Variants in XPR1 observed in about 807,000 individuals in gnomAD.
The protein encoded by XPR1 is solute carrier family 53 member 1.
XPR1 carries 28 observed loss-of-function variants against 87.5 expected under a neutral mutation model. The ratio of observed to expected loss-of-function variants is 0.32; its 90% CI spans 0.24 to 0.44. The LOEUF is 0.44. Ranked by LOEUF, XPR1 falls within the 20% of genes least tolerant of loss-of-function variation. The pLI is 1.00. For synonymous variants in XPR1, 300 were observed against 306.1 expected, an observed-to-expected ratio of 0.98 and a Z score of 0.21; for missense variants, 559 against 862.3, an observed-to-expected ratio of 0.65 and a Z score of 4.41.
chr1:180,826,032 A>C (rs1177100510), intron 9 of XPR1, among the ~76,000 whole-genome samples: 2 of 152,128 alleles, frequency 1.3e-5, no homozygotes, highest in East Asian at 3.9e-4. Flanking sequence ...CCTGGGCAAC[A>C]AGAGCAAAAC....
chr1:180,838,209 TAAG>T (rs932434838), intron 11 of XPR1, among the ~76,000 whole-genome samples: 1 of 152,202 alleles, frequency 6.6e-6, no homozygotes, highest in Non-Finnish European at 1.5e-5. Flanking sequence ...AAAATCTTAT[TAAG>T]AACATCATAA....
rs147403060 is a variant in XPR1, at chr1:180,798,920, A to G, written c.224-4468A>G. Among the ~76,000 whole-genome samples, 313 of 152,256 alleles carry G rather than the reference A, an allele frequency of 2.1e-3. 1 individual carries two copies. The highest frequency in any genetic ancestry group is 7.3e-3 in the African/African-American group (302 of 41,562). ...TGAGCCACCATGCCCGGCCTGTTGT[A>G]GTTTTCCATTAACATATATTATTGG... is the stretch of plus-strand genomic sequence containing the variant. On this transcript the variant is annotated intron_variant, in intron 3 of 14. Coordinates refer to ENST00000367590, the MANE Select transcript of XPR1 (RefSeq NM_004736.4).
At chr1:180,820,855 T>A (rs1324759587) in intron 7 of XPR1, among the ~76,000 whole-genome samples, 6 of 152,062 alleles carry the variant, frequency 3.9e-5, no homozygotes, top group African/African-American at 1.2e-4. Flanking sequence ...CATTGGCCAT[T>A]TATATATATA....
intron 1 of XPR1, among the ~76,000 whole-genome samples, chr1:180,639,781 T>C (rs1020163710): frequency 1.4e-4 from 21 of 152,162 alleles, no homozygotes; most frequent in African/African-American, 4.3e-4. Context: ...ATACATATAC[T>C]GTATTAGAAG....
intron 2 of XPR1, among the ~76,000 whole-genome samples, chr1:180,757,755 A>G (rs1207034248): frequency 1.3e-5 from 2 of 151,416 alleles, no homozygotes; most frequent in African/African-American, 4.8e-5. Context: ...TCTGGCCTCA[A>G]GCGATCCTTC....
At chr1:180,701,877 C>CA (rs1657345039) in intron 2 of XPR1, among the ~76,000 whole-genome samples, 2 of 131,894 alleles carry the variant, frequency 1.5e-5, no homozygotes, top group South Asian at 4.7e-4. Context: ...TTGATCCTTT[C>CA]AAAAAACCAG....
At chr1:180,783,874 G>A (rs899018169) in intron 2 of XPR1, among the ~76,000 whole-genome samples, 4 of 151,806 alleles carry the variant, frequency 2.6e-5, no homozygotes, top group African/African-American at 9.7e-5. Flanking sequence ...GACCAACATG[G>A]CGAAACCCCA....
chr1:180,806,839 G>T (rs1342086398), intron 6 of XPR1, among the ~76,000 whole-genome samples: 2 of 151,960 alleles, frequency 1.3e-5, no homozygotes, highest in African/African-American at 4.8e-5. Flanking sequence ...TAAAAAAAAT[G>T]ATCTGGTGGG....
At chr1:180,814,405 G>C (rs1454117352) in intron 7 of XPR1, among the ~76,000 whole-genome samples, 1 of 152,160 alleles carries the variant, frequency 6.6e-6, no homozygotes. Flanking sequence ...TAAAAACTCA[G>C]ATCTATGTTA....
intron 2 of XPR1, among the ~76,000 whole-genome samples, chr1:180,734,374 T>C (rs1658658638): frequency 6.6e-6 from 1 of 152,132 alleles, no homozygotes; most frequent in African/African-American, 2.4e-5. Flanking sequence ...ATGTAACCAT[T>C]TGTGGGAAAA....
At chr1:180,861,971 A>G (rs969764504) in intron 11 of XPR1, among the ~76,000 whole-genome samples, 6 of 152,114 alleles carry the variant, frequency 3.9e-5, no homozygotes, top group Admixed American at 3.3e-4. Context: ...TCGAGAATAA[A>G]AGCAAAAATT....
At chr1:180,783,715 A>C (rs1256236747) in intron 2 of XPR1, among the ~76,000 whole-genome samples, 5 of 152,026 alleles carry the variant, frequency 3.3e-5, no homozygotes, top group African/African-American at 1.2e-4. Context: ...TAATGTACTT[A>C]ACCACTCCCC....
chr1:180,742,140 T>TG (rs1439885218), intron 2 of XPR1, among the ~76,000 whole-genome samples: 3 of 152,082 alleles, frequency 2.0e-5, no homozygotes, highest in Non-Finnish European at 4.4e-5. Context: ...GGGGTTTTTT[T>TG]GGTTTGTTTT....
chr1:180,807,520 T>G (rs981956266), intron 6 of XPR1, among the ~76,000 whole-genome samples: 2 of 152,172 alleles, frequency 1.3e-5, no homozygotes, highest in African/African-American at 4.8e-5. Context: ...GGCCTTTACA[T>G]TGAAAACTAC....
intron 3 of XPR1, among the ~76,000 whole-genome samples, chr1:180,794,476 C>T (rs1349977892): frequency 6.6e-6 from 1 of 152,110 alleles, no homozygotes; most frequent in Non-Finnish European, 1.5e-5. Flanking sequence ...TTACTAAATA[C>T]ACCTGTTGTG....
In XPR1 at chr1:180,866,678, G is replaced by A. The variant is rs182147395; in HGVS notation, c.1668+2804G>A. On this transcript the variant is annotated intron_variant, in intron 12 of 14. Transcript: ENST00000367590. ...TGCGAGGAAGGAGAGGGAACAGTGA[G>A]CCATGTGAATGTGTTAAAATCCTCA... 2.0e-5 allele frequency among the ~76,000 whole-genome samples: 3 copies of A among 152,250 alleles called. No homozygotes were observed. The East Asian group carries it at 5.8e-4, about 29-fold the overall frequency.
At chr1:180,828,796 G>A (rs1167670545) in intron 9 of XPR1, among the ~76,000 whole-genome samples, 2 of 152,140 alleles carry the variant, frequency 1.3e-5, no homozygotes, top group African/African-American at 2.4e-5. Context: ...CCAGGCAGTC[G>A]TTTATAATCT....
At chr1:180,877,124 T>C (rs1571251853) in intron 13 of XPR1, among the ~76,000 whole-genome samples, 1 of 152,222 alleles carries the variant, frequency 6.6e-6, no homozygotes. Flanking sequence ...ATATCAGATA[T>C]ATACCTAGGA....
At chr1:180,847,329 TA>T (rs1651718670) in intron 11 of XPR1, among the ~76,000 whole-genome samples, 1 of 152,218 alleles carries the variant, frequency 6.6e-6, no homozygotes, top group Non-Finnish European at 1.5e-5. Context: ...ATTTCTTACC[TA>T]AAGAGCAAAA....
Sources: allele counts gnomAD v4.1 joint callset (sites outside exome capture counted in the v4.1 genomes callset), GRCh38; gene constraint gnomAD v4.1.1; transcripts MANE v1.5; gene names NCBI Gene and HGNC (gene_info 2026-07-23, HGNC 2026-07-21).